PCDHGB1: variants seen among roughly 807,000 people sequenced by gnomAD.
PCDHGB1 encodes the protein protocadherin gamma-B1.
In PCDHGB1, 34 loss-of-function variants were observed where a neutral mutation model predicts 56.6. The observed-to-expected ratio is 0.60, with a 90% CI of 0.46 to 0.80. The LOEUF is 0.80. Ranked by LOEUF, PCDHGB1 falls within the 30% of genes least tolerant of loss-of-function variation. The pLI is 0.00. For missense variants in PCDHGB1, 1,278 were observed against 1,204.6 expected, an observed-to-expected ratio of 1.06 and a Z score of -0.90; for synonymous variants, 561 against 505.9, an observed-to-expected ratio of 1.11 and a Z score of -1.46.
In PCDHGB1 at chr5:141,371,266, T is replaced by C; in HGVS notation, c.2409+18597T>C. ...AATATTGGCAAGGAAGTGAGACAACTGTTCAAGCTGGACAGTAAAACGGGG... is the reference window on the plus strand; with the variant it reads ...AATATTGGCAAGGAAGTGAGACAACCGTTCAAGCTGGACAGTAAAACGGGG... On this transcript the variant is annotated intron_variant, in intron 1 of 3. Transcript: ENST00000523390. 6.2e-7 allele frequency: 1 copy of C among 1,614,030 alleles called. No individual in the cohort carries two copies. Among genetic ancestry groups the C allele is most frequent in the East Asian group, 2.2e-5 (1 of 44,884 alleles).
At chr5:141,418,844 A>G (rs781310201) in intron 1 of PCDHGB1, 2 of 1,613,936 alleles carry the variant, frequency 1.2e-6, no homozygotes, top group South Asian at 2.2e-5. Context: ...ATCTCTCTCA[A>G]CACGGTGTAA....
rs1213782455 is a variant in PCDHGB1, at chr5:141,351,824, C to T, written c.1564C>T (p.Arg522Cys). ...GCGCGCCTTCGACCACGAGCAGCTGCGCGCCTTCGAGCTCACACTGCAGGC... is the reference window on the plus strand; with the variant it reads ...GCGCGCCTTCGACCACGAGCAGCTGTGCGCCTTCGAGCTCACACTGCAGGC... ...AQRAFDHEQL[R>C]AFELTLQARD... is the part of the protein sequence containing the mutation. The change falls in exon 1 of 4, where the codon CGC (arginine) becomes TGC (cysteine). Residue 522 changes from arginine to cysteine, a missense_variant. Arg to Cys is a radical substitution (Grantham distance 180). Coordinates refer to ENST00000523390, the MANE Select transcript of PCDHGB1 (RefSeq NM_018922.3). 12 of 1,613,200 alleles carry T rather than the reference C, an allele frequency of 7.4e-6. No homozygotes were observed. Among genetic ancestry groups the T allele is most frequent in the Non-Finnish European group, 1.0e-5 (12 of 1,179,822 alleles).
At chr5:141,419,762 AAGGACTCG>A (rs1468964539) in intron 1 of PCDHGB1, 2 of 1,614,008 alleles carry the variant, frequency 1.2e-6, no homozygotes, top group South Asian at 2.2e-5. Context: ...TTTGGGTGAC[AAGGACTCG>A]GTCCGCCAGC....
intron 1 of PCDHGB1, among the ~76,000 whole-genome samples, chr5:141,468,306 C>T (rs1006015063): frequency 9.5e-6 from 1 of 105,260 alleles, no homozygotes; most frequent in African/African-American, 3.7e-5. Context: ...GCCTGGGCAA[C>T]AAGAGCAACG....
At chr5:141,416,846 A>G (rs1412860680) in intron 1 of PCDHGB1, 2 of 152,120 alleles carry the variant, frequency 1.3e-5, no homozygotes, top group Non-Finnish European at 2.9e-5. Flanking sequence ...TTATAATTCC[A>G]TGATTTTTTT....
rs1385408442 is a variant in PCDHGB1 at position 141,487,321 on chromosome 5, T to A, written c.2410-7486T>A. 1 of 1,614,198 alleles carries A rather than the reference T, an allele frequency of 6.2e-7. No homozygotes were observed. The highest frequency in any genetic ancestry group is 1.7e-5 in the Admixed American group (1 of 60,032). ...TCGTGGCACTACTCTCTAAGTGTCT[T>A]CGTGGGGCAGCCTGTGGAGTCACAT... is the stretch of plus-strand genomic sequence containing the variant. On this transcript the variant is annotated intron_variant, in intron 1 of 3. Transcript: ENST00000523390. This position sits in a 1 kb window ranked among gnomAD's most constrained non-coding sequence, Gnocchi z 5.0.
intron 1 of PCDHGB1, among the ~76,000 whole-genome samples, chr5:141,459,386 T>C (rs1283863283): frequency 6.6e-6 from 1 of 152,260 alleles, no homozygotes; most frequent in African/African-American, 2.4e-5. Context: ...GTGTTCCATT[T>C]GATTGTTGAG....
intron 1 of PCDHGB1, among the ~76,000 whole-genome samples, chr5:141,464,300 A>G (rs1349155102): frequency 2.0e-5 from 3 of 149,898 alleles, no homozygotes; most frequent in East Asian, 1.9e-4. Context: ...ACTCCATTGT[A>G]TGTGCACATA....
At chr5:141,387,663 T>G (rs999949836) in intron 1 of PCDHGB1, 6 of 673,368 alleles carry the variant, frequency 8.9e-6, no homozygotes, top group Admixed American at 6.4e-5. Flanking sequence ...AGCTTGGCGC[T>G]CCAGATCTCC....
intron 2 of PCDHGB1, among the ~76,000 whole-genome samples, chr5:141,502,056 C>T (rs1163976282): frequency 1.3e-5 from 2 of 152,116 alleles, no homozygotes; most frequent in Non-Finnish European, 2.9e-5. Flanking sequence ...CTACTTTATT[C>T]CCATTAGCCC....
intron 1 of PCDHGB1, chr5:141,365,528 A>G: frequency 1.2e-6 from 2 of 1,613,854 alleles, no homozygotes; most frequent in Non-Finnish European, 1.7e-6. Flanking sequence ...GTCAGTTGAT[A>G]ATTACTATCA....
intron 1 of PCDHGB1, chr5:141,390,350 A>G: frequency 6.4e-7 from 1 of 1,563,816 alleles, no homozygotes; most frequent in South Asian, 1.2e-5. Context: ...AAGAAAATAT[A>G]CATATTTGCA....
intron 1 of PCDHGB1, chr5:141,408,923 G>C: frequency 6.2e-7 from 1 of 1,613,488 alleles, no homozygotes; most frequent in Non-Finnish European, 8.5e-7. Flanking sequence ...TAACCCCCCG[G>C]TTTTCAGCAG....
rs150714552 is a variant in PCDHGB1, at chr5:141,473,285, G to A, written c.2410-21522G>A. On this transcript the variant is annotated intron_variant, in intron 1 of 3. Transcript: ENST00000523390. ...GTGTATGCTATGATTATTTTACTATGTCAGTAGCATAAAGATTGCTATATT... is the reference window on the plus strand; with the variant it reads ...GTGTATGCTATGATTATTTTACTATATCAGTAGCATAAAGATTGCTATATT... 3.9e-3 allele frequency among the ~76,000 whole-genome samples: 590 copies of A among 152,296 alleles called. 6 individuals are homozygous for A. Among genetic ancestry groups the A allele is most frequent in the Admixed American group, 0.011 (170 of 15,296 alleles).
At chr5:141,419,302 C>T in intron 1 of PCDHGB1, 1 of 1,614,024 alleles carries the variant, frequency 6.2e-7, no homozygotes, top group East Asian at 2.2e-5. Context: ...ACCCAGACTT[C>T]GGGCTCAACG....
intron 1 of PCDHGB1, chr5:141,420,146 C>G (rs372634787): frequency 1.9e-6 from 3 of 1,613,962 alleles, no homozygotes; most frequent in Non-Finnish European, 2.5e-6. Flanking sequence ...TCAAATGAAT[C>G]CAGAATTTAA....
intron 1 of PCDHGB1, chr5:141,404,242 G>T (rs372976589): frequency 1.2e-6 from 2 of 1,613,462 alleles, no homozygotes; most frequent in Non-Finnish European, 1.7e-6. Flanking sequence ...GAGGAACTCC[G>T]CCCCTGTCCA....
rs140088812 is a variant in PCDHGB1, at chr5:141,489,695, T to C, written c.2410-5112T>C. The C allele has an allele frequency of 6.2e-7, 1 of 1,614,088 alleles. No homozygotes were observed. The highest frequency in any genetic ancestry group is 1.3e-5 in the African/African-American group (1 of 75,026). On this transcript the variant is annotated intron_variant, in intron 1 of 3. Transcript: ENST00000523390. This position sits in a 1 kb window ranked among gnomAD's most constrained non-coding sequence, Gnocchi z 4.5. ...GAATCAGCAGCATCTGGGGCACGAT[T>C]CCCACTGGACAGTGCCCAGGATCCG...
intron 1 of PCDHGB1, among the ~76,000 whole-genome samples, chr5:141,472,677 C>T (rs1275941416): frequency 6.6e-6 from 1 of 151,658 alleles, no homozygotes; most frequent in Non-Finnish European, 1.5e-5. Context: ...ACTGGTCCTT[C>T]CATTTCCCCT....
Sources: allele counts gnomAD v4.1 joint callset (sites outside exome capture counted in the v4.1 genomes callset), GRCh38; gene constraint gnomAD v4.1.1; non-coding constraint Gnocchi (gnomAD v3.1); transcripts MANE v1.5; gene names NCBI Gene and HGNC (gene_info 2026-07-23, HGNC 2026-07-21).